Variants in CADM2 observed in about 807,000 individuals in gnomAD.
CADM2 encodes the protein cell adhesion molecule 2.
Under a neutral mutation model 49.8 loss-of-function variants are expected in CADM2, and 12 were observed. The observed-to-expected ratio is 0.24, with a 90% CI of 0.15 to 0.39. The LOEUF is 0.39. CADM2 is among the 10% of genes least tolerant of loss of function. CADM2 has a pLI of 1.00. For missense variants in CADM2, 378 were observed against 492.3 expected (o/e 0.77, Z 2.20); for synonymous variants, 214 against 175.4 (o/e 1.22, Z -1.74).
intron 1 of CADM2, among the ~76,000 whole-genome samples, chr3:85,193,245 AATG>A (rs2041252858): frequency 6.6e-6 from 1 of 152,074 alleles, no homozygotes; most frequent in Admixed American, 6.6e-5. Context: ...AGCTAGAAAG[AATG>A]ATATCAAGGA....
intron 8 of CADM2, among the ~76,000 whole-genome samples, chr3:86,023,612 C>T (rs748239366): frequency 3.3e-5 from 5 of 152,110 alleles, no homozygotes; most frequent in Non-Finnish European, 7.3e-5. Flanking sequence ...CCCGCCTCGG[C>T]CTCCCAAAGT....
At chr3:85,575,940 C>T (rs1283619912) in intron 1 of CADM2, among the ~76,000 whole-genome samples, 2 of 152,190 alleles carry the variant, frequency 1.3e-5, no homozygotes, top group Admixed American at 6.5e-5. Context: ...CTCAAGACTT[C>T]TCTAACCTTT....
chr3:85,824,439 G>A (rs1166367495), intron 3 of CADM2, among the ~76,000 whole-genome samples: 1 of 55,854 alleles, frequency 1.8e-5, no homozygotes, highest in African/African-American at 7.3e-5. Context: ...CTCAAGGTGA[G>A]TGCACAGTGC....
chr3:85,215,359 A>T lies in CADM2; in HGVS notation c.61+255691A>T, dbSNP rs866006033. Among the ~76,000 whole-genome samples the T allele has an allele frequency of 1.7e-3, 191 of 114,094 alleles. 1 individual carries two copies. In the Middle Eastern group the frequency reaches 0.023, roughly 14 times the overall value. 74.9% of individuals were successfully genotyped at this position (114,094 alleles called of 152,430 possible). On this transcript the variant is annotated intron_variant, in intron 1 of 9. Transcript: ENST00000383699. ...GCAACACCAAAGTTCTCTCTTTTTT[A>T]AAAAAAAAAAAAAAAAAAAAAAAGA... is the stretch of plus-strand genomic sequence containing the variant.
chr3:84,963,687 G>A (rs553318652), intron 1 of CADM2, among the ~76,000 whole-genome samples: 3 of 152,130 alleles, frequency 2.0e-5, no homozygotes, highest in South Asian at 2.1e-4. Flanking sequence ...CTCATTGGAC[G>A]TACATAATAC....
At chr3:85,522,563 T>C (rs1053998283) in intron 1 of CADM2, among the ~76,000 whole-genome samples, 1 of 152,132 alleles carries the variant, frequency 6.6e-6, no homozygotes, top group Non-Finnish European at 1.5e-5. Flanking sequence ...GTCATTGTTA[T>C]TAGTATAAAC....
chr3:84,978,678 G>A (rs1432521551), intron 1 of CADM2, among the ~76,000 whole-genome samples: 1 of 152,030 alleles, frequency 6.6e-6, no homozygotes, highest in Non-Finnish European at 1.5e-5. Context: ...TGTATTTCCT[G>A]TTTTATTGCT....
intron 1 of CADM2, among the ~76,000 whole-genome samples, chr3:85,418,032 A>G (rs995466744): frequency 2.6e-5 from 4 of 152,178 alleles, no homozygotes; most frequent in South Asian, 2.1e-4. Context: ...TTCAAATAAT[A>G]AATACAAGTT....
At chr3:85,164,186 A>G (rs1429938488) in intron 1 of CADM2, among the ~76,000 whole-genome samples, 1 of 151,976 alleles carries the variant, frequency 6.6e-6, no homozygotes, top group Non-Finnish European at 1.5e-5. Flanking sequence ...TATACTTTTC[A>G]TGTGTAATAT....
rs956560081 is a variant in CADM2, at chr3:85,231,284, A to G, written c.61+271616A>G. 5.3e-5 allele frequency among the ~76,000 whole-genome samples: 8 copies of G among 152,242 alleles called. No individual in the cohort carries two copies. The South Asian group carries it at 1.7e-3, about 32-fold the overall frequency. On this transcript the variant is annotated intron_variant, in intron 1 of 9. Coordinates refer to ENST00000383699, the MANE Select transcript of CADM2 (RefSeq NM_001167675.2). ...TTTTCTTTGTGTGCAAATTCTCCCA[A>G]ATTTATAAGAGGATGAAGCTTTGTA...
At chr3:85,692,361 T>C (rs986382005) in intron 1 of CADM2, among the ~76,000 whole-genome samples, 2 of 152,158 alleles carry the variant, frequency 1.3e-5, no homozygotes, top group African/African-American at 4.8e-5. Flanking sequence ...AGCAAATCCG[T>C]ATATATTAAG....
intron 1 of CADM2, among the ~76,000 whole-genome samples, chr3:85,327,262 T>C (rs931185001): frequency 2.0e-5 from 3 of 151,974 alleles, no homozygotes; most frequent in African/African-American, 7.3e-5. Flanking sequence ...TCATATTTAT[T>C]ATTTATTTAT....
Position 84,983,901 on chromosome 3 carries a change from T to C in CADM2, c.61+24233T>C, listed in dbSNP as rs542092915. On this transcript the variant is annotated intron_variant, in intron 1 of 9. Transcript: ENST00000383699. Reference sequence around the variant, plus strand: ...AACTGGAAAATATGTTATCTGAATATCAAAACATTCAGCAAGTGTGATATA... The same window carrying C: ...AACTGGAAAATATGTTATCTGAATACCAAAACATTCAGCAAGTGTGATATA... 9.2e-5 allele frequency among the ~76,000 whole-genome samples: 14 copies of C among 152,192 alleles called. No individual in the cohort carries two copies. The South Asian group carries it at 2.9e-3, about 32-fold the overall frequency.
At chr3:85,728,763 G>C (rs966048729) in intron 2 of CADM2, among the ~76,000 whole-genome samples, 1 of 152,114 alleles carries the variant, frequency 6.6e-6, no homozygotes, top group Non-Finnish European at 1.5e-5. Flanking sequence ...TTTTTTGTAA[G>C]GAGTAATGAT....
chr3:85,574,821 C>T (rs1344367370), intron 1 of CADM2, among the ~76,000 whole-genome samples: 3 of 152,038 alleles, frequency 2.0e-5, no homozygotes, highest in African/African-American at 4.8e-5. Context: ...CTACCTCAGT[C>T]TAGGGGGTTC....
intron 1 of CADM2, among the ~76,000 whole-genome samples, chr3:85,449,800 A>T (rs565695680): frequency 6.6e-6 from 1 of 152,272 alleles, no homozygotes; most frequent in South Asian, 2.1e-4. Context: ...AGATAACAGA[A>T]AGAGATGAGA....
chr3:85,025,877 C>T (rs770800147), intron 1 of CADM2, among the ~76,000 whole-genome samples: 6 of 151,676 alleles, frequency 4.0e-5, no homozygotes, highest in South Asian at 2.1e-4. Context: ...TATCATTGCC[C>T]GGTAGCTCTT....
chr3:86,033,279 A>T (rs1734758227), intron 8 of CADM2, among the ~76,000 whole-genome samples: 1 of 151,990 alleles, frequency 6.6e-6, no homozygotes, highest in Admixed American at 6.6e-5. Context: ...TTTTCTAATA[A>T]TGTAGATATG....
In CADM2 at chr3:84,959,675, C is replaced by T. The variant is rs1417855423; in HGVS notation, c.61+7C>T. The T allele has an allele frequency of 2.6e-6, 4 of 1,536,658 alleles. No homozygotes were observed. Among genetic ancestry groups the T allele is most frequent in the Admixed American group, 2.0e-5 (1 of 50,968 alleles). ...TGCGGGCTCCTGCTACAAGGTAATC[C>T]CCGCCCCGGCGCAGGGAACATCAAC... On this transcript the variant is annotated splice_region_variant and intron_variant, in intron 1 of 9. Transcript: ENST00000383699.
Sources: gnomAD v4.1 joint callset for allele counts (sites outside exome capture counted in the v4.1 genomes callset) on GRCh38, gnomAD v4.1.1 for gene constraint, MANE v1.5 for transcripts, NCBI Gene and HGNC (gene_info 2026-07-23, HGNC 2026-07-21) for gene names.